SPOCK3: variants seen among roughly 807,000 people sequenced by gnomAD.
SPOCK3 encodes SPARC (osteonectin), cwcv and kazal like domains proteoglycan 3, also known as testican-3.
SPOCK3 carries 30 observed loss-of-function variants against 56.6 expected under a neutral mutation model. The observed-to-expected ratio is 0.53, with a 90% CI of 0.40 to 0.72. SPOCK3 has a LOEUF of 0.72. SPOCK3 is among the 30% of genes least tolerant of loss of function. SPOCK3 has a pLI of 0.00. For missense variants in SPOCK3, 527 were observed against 530.0 expected (o/e 0.99, Z 0.06); for synonymous variants, 196 against 183.3 (o/e 1.07, Z -0.56).
chr4:167,055,133 T>C (rs1754656026), intron 3 of SPOCK3, among the ~76,000 whole-genome samples: 1 of 152,078 alleles, frequency 6.6e-6, no homozygotes, highest in Non-Finnish European at 1.5e-5. Flanking sequence ...CTTCACTTTT[T>C]TTAGAAAACA....
At chr4:167,049,055 G>A (rs761519193) in intron 3 of SPOCK3, among the ~76,000 whole-genome samples, 10 of 151,666 alleles carry the variant, frequency 6.6e-5, no homozygotes, top group Non-Finnish European at 1.5e-4. Context: ...GATATGCAAA[G>A]ATAGAAGCAC....
At chr4:167,126,625 C>CAA (rs34354987) in intron 2 of SPOCK3, among the ~76,000 whole-genome samples, 77 of 147,266 alleles carry the variant, frequency 5.2e-4, no homozygotes, top group South Asian at 2.2e-3. Context: ...CCCTGCAATA[C>CAA]AAAAAAAAAA....
chr4:167,076,134 C>T (rs1046143391), intron 2 of SPOCK3, among the ~76,000 whole-genome samples: 2 of 151,730 alleles, frequency 1.3e-5, no homozygotes, highest in African/African-American at 2.4e-5. Flanking sequence ...CAATGGTTGC[C>T]AGGGTTTGGG....
At chr4:167,037,896 G>T (rs1446180893) in intron 3 of SPOCK3, among the ~76,000 whole-genome samples, 2 of 151,878 alleles carry the variant, frequency 1.3e-5, no homozygotes, top group Non-Finnish European at 2.9e-5. Context: ...AAAACTTTTT[G>T]TTGTTGTTGT....
chr4:167,045,141 T>C (rs1561155194), intron 3 of SPOCK3, among the ~76,000 whole-genome samples: 1 of 152,156 alleles, frequency 6.6e-6, no homozygotes, highest in Non-Finnish European at 1.5e-5. Flanking sequence ...CATTATGTAA[T>C]GTCCCTCTTT....
chr4:167,078,647 T>C (rs1757428333), intron 2 of SPOCK3, among the ~76,000 whole-genome samples: 1 of 151,664 alleles, frequency 6.6e-6, no homozygotes, highest in Admixed American at 6.6e-5. Flanking sequence ...ATAATAATAA[T>C]AACCCATAAT....
intron 6 of SPOCK3, among the ~76,000 whole-genome samples, chr4:166,799,419 T>C (rs1357762514): frequency 6.6e-6 from 1 of 152,136 alleles, no homozygotes; most frequent in African/African-American, 2.4e-5. Context: ...GCCGAATACC[T>C]GAGGACATTT....
chr4:166,950,228 A>G (rs1390088118), intron 4 of SPOCK3, among the ~76,000 whole-genome samples: 4 of 151,904 alleles, frequency 2.6e-5, no homozygotes, highest in Admixed American at 2.6e-4. Flanking sequence ...TCAAAATAAA[A>G]GAATGCAGGA....
intron 2 of SPOCK3, among the ~76,000 whole-genome samples, chr4:167,079,721 G>C (rs28399721): frequency 5.9e-4 from 90 of 152,094 alleles, no homozygotes; most frequent in African/African-American, 2.1e-3. Context: ...TTCAGGGAAA[G>C]CAAATTCGAT....
intron 9 of SPOCK3, among the ~76,000 whole-genome samples, chr4:166,740,073 T>G (rs1231505198): frequency 6.6e-6 from 1 of 152,158 alleles, no homozygotes; most frequent in African/African-American, 2.4e-5. Context: ...TGACCATAAT[T>G]GATACTTTAT....
At chr4:167,202,143 A>G (rs549328724) in intron 2 of SPOCK3, among the ~76,000 whole-genome samples, 1 of 152,054 alleles carries the variant, frequency 6.6e-6, no homozygotes, top group Admixed American at 6.6e-5. Context: ...TACTCCAAAT[A>G]TAAGTGTTTG....
In SPOCK3 at chr4:166,751,488, A is replaced by G. The variant is rs559183295; in HGVS notation, c.931+3020T>C. On this transcript the variant is annotated intron_variant, in intron 8 of 10. Coordinates refer to ENST00000357545, the MANE Select transcript of SPOCK3 (RefSeq NM_001040159.2). ...TATTTCTGAAAGTAGAATTACAAAT[A>G]TTTGAAGACAGAAATCAAGGAGTTT... Among the ~76,000 whole-genome samples the G allele has an allele frequency of 1.1e-4, 16 of 152,320 alleles. No homozygotes were observed. In the South Asian group the frequency reaches 1.9e-3, roughly 18 times the overall value.
intron 4 of SPOCK3, among the ~76,000 whole-genome samples, chr4:166,974,943 A>G (rs537148292): frequency 6.6e-6 from 1 of 152,312 alleles, no homozygotes; most frequent in Admixed American, 6.5e-5. Context: ...CTGCCCTCAT[A>G]AAGAAATTAA....
At chr4:167,063,243 C>T (rs1006109863) in intron 2 of SPOCK3, among the ~76,000 whole-genome samples, 4 of 151,722 alleles carry the variant, frequency 2.6e-5, no homozygotes, top group Non-Finnish European at 4.4e-5. Flanking sequence ...GCAACGTATA[C>T]TGAAAAGAAT....
chr4:167,133,909 T>A (rs879711800), intron 2 of SPOCK3, among the ~76,000 whole-genome samples: 1 of 152,180 alleles, frequency 6.6e-6, no homozygotes, highest in Non-Finnish European at 1.5e-5. Flanking sequence ...AAACAGAATC[T>A]GTTGTTCTTC....
intron 3 of SPOCK3, among the ~76,000 whole-genome samples, chr4:167,024,857 A>C (rs1050507842): frequency 6.6e-6 from 1 of 152,002 alleles, no homozygotes; most frequent in African/African-American, 2.4e-5. Flanking sequence ...AAAATAAAAA[A>C]AAATTTTAAA....
chr4:166,915,683 C>G (rs1324599972), intron 4 of SPOCK3, among the ~76,000 whole-genome samples: 3 of 152,048 alleles, frequency 2.0e-5, no homozygotes, highest in Non-Finnish European at 4.4e-5. Context: ...GTGTATTTGG[C>G]TCAGGCTATG....
intron 4 of SPOCK3, among the ~76,000 whole-genome samples, chr4:166,941,835 T>C (rs1276506283): frequency 6.6e-6 from 1 of 152,166 alleles, no homozygotes; most frequent in Non-Finnish European, 1.5e-5. Context: ...AACCGTGTGA[T>C]GAGCCTGGAT....
At chr4:167,143,127 T>C (rs1379867034) in intron 2 of SPOCK3, among the ~76,000 whole-genome samples, 1 of 152,018 alleles carries the variant, frequency 6.6e-6, no homozygotes, top group Non-Finnish European at 1.5e-5. Context: ...ACTATTCAAG[T>C]CTTTAAAACT....
Sources: gnomAD v4.1 joint callset for allele counts (sites outside exome capture counted in the v4.1 genomes callset) on GRCh38, gnomAD v4.1.1 for gene constraint, MANE v1.5 for transcripts, NCBI Gene and HGNC (gene_info 2026-07-23, HGNC 2026-07-21) for gene names.